The following SPNS2 variants were observed in gnomAD, a reference collection of about 807,000 sequenced individuals.
SPNS2 encodes the protein SPNS lysolipid transporter 2, sphingosine-1-phosphate, also known as sphingosine-1-phosphate transporter SPNS2.
SPNS2 carries 37 observed loss-of-function variants against 57.6 expected under a neutral mutation model. The ratio of observed to expected loss-of-function variants is 0.64; its 90% CI spans 0.49 to 0.85. The LOEUF is 0.85. SPNS2 is among the 40% of genes least tolerant of loss of function. The pLI, the probability that SPNS2 is intolerant of heterozygous loss-of-function variation, is 0.00. For synonymous variants in SPNS2, 440 were observed against 346.9 expected, an observed-to-expected ratio of 1.27 and a Z score of -2.98; for missense variants, 831 against 779.1, an observed-to-expected ratio of 1.07 and a Z score of -0.79.
intron 9 of SPNS2, among the ~76,000 whole-genome samples, chr17:4,535,414 T>C (rs954219175): frequency 9.9e-5 from 15 of 152,086 alleles, no homozygotes; most frequent in African/African-American, 3.4e-4. Context: ...TTTAGCTTGA[T>C]GGGAGGTGAG....
chr17:4,536,034 G>C, intron 9 of SPNS2, 42 bp from the exon 10 acceptor site: 1 of 1,576,976 alleles, frequency 6.3e-7, no homozygotes, highest in African/African-American at 1.3e-5. Context: ...AAGCGCGTGA[G>C]CCTTTCTCCT....
chr17:4,532,016 C>T lies in SPNS2; in HGVS notation c.793-526C>T, dbSNP rs149090371. Among the ~76,000 whole-genome samples the T allele has an allele frequency of 1.6e-3, 248 of 152,204 alleles. 1 individual carries two copies. The highest frequency in any genetic ancestry group is 5.6e-3 in the African/African-American group (231 of 41,460). Reference sequence around the variant, plus strand: ...TTCCCAGGGCCCTGCGGCTGAGGAACCTACGTGGGGAACCTGCTCCAGGAA... The same window carrying T: ...TTCCCAGGGCCCTGCGGCTGAGGAATCTACGTGGGGAACCTGCTCCAGGAA... On this transcript the variant is annotated intron_variant, in intron 5 of 12. Transcript: ENST00000329078.
Position 4,533,148 on chromosome 17 carries a change from G to C in SPNS2, c.1088+19G>C, listed in dbSNP as rs947945778. 6.3e-7 allele frequency: 1 copy of C among 1,594,210 alleles called. No homozygotes were observed. The highest frequency in any genetic ancestry group is 8.6e-7 in the Non-Finnish European group (1 of 1,168,470). ...AGGACAGGTGGGGCCCCGCGGGGTGGGCCCAGGGCTGGTGAGGGACCTCGG... is the reference window on the plus strand; with the variant it reads ...AGGACAGGTGGGGCCCCGCGGGGTGCGCCCAGGGCTGGTGAGGGACCTCGG... On this transcript the variant is annotated intron_variant, in intron 7 of 12. Transcript: ENST00000329078.
Position 4,505,516 on chromosome 17 carries a change from A to G in SPNS2, c.370+6099A>G, listed in dbSNP as rs140757593. The stretch of plus-strand genomic sequence containing the variant: ...GTCTACCCAGTCCTCAGCCCTGACA[A>G]TGAGGCCGCGCAACCCCCAAGCTGG... On this transcript the variant is annotated intron_variant, in intron 1 of 12. Coordinates refer to ENST00000329078, the MANE Select transcript of SPNS2 (RefSeq NM_001124758.3). Among the ~76,000 whole-genome samples the G allele has an allele frequency of 3.7e-3, 559 of 152,300 alleles. 4 individuals carry two copies. The highest frequency in any genetic ancestry group is 0.013 in the African/African-American group (536 of 41,566).
intron 1 of SPNS2, among the ~76,000 whole-genome samples, chr17:4,504,037 G>A (rs1904605729): frequency 6.6e-6 from 1 of 151,744 alleles, no homozygotes; most frequent in South Asian, 2.1e-4. Flanking sequence ...GAAAGATGGG[G>A]AAACTGAGGC....
chr17:4,535,733 C>T (rs1323551994), intron 9 of SPNS2, among the ~76,000 whole-genome samples: 1 of 151,988 alleles, frequency 6.6e-6, no homozygotes, highest in Admixed American at 6.6e-5. Flanking sequence ...GCTGGGGGCA[C>T]AGCAGGTTTG....
chr17:4,509,788 G>A (rs538133353), intron 1 of SPNS2, among the ~76,000 whole-genome samples: 4 of 152,384 alleles, frequency 2.6e-5, no homozygotes, highest in South Asian at 2.1e-4. Context: ...GCTAGGAGAC[G>A]ATTCCAGCTG....
rs574174067 is a variant in SPNS2 at position 4,538,157 on chromosome 17, G to A, written c.*709G>A. ...ATCACCAGGGGTGAAGGCCCTGGCT[G>A]CAGCTGTACACCACCTGTGCCCCCA... On this transcript the variant is annotated 3_prime_UTR_variant, in exon 13 of 13. Transcript: ENST00000329078. The A allele has an allele frequency of 3.5e-6, 1 of 283,422 alleles. No individual in the cohort carries two copies. The highest frequency in any genetic ancestry group is 7.0e-6 in the Non-Finnish European group (1 of 143,024). 17.6% of individuals were successfully genotyped at this position (283,422 alleles called of 1,614,324 possible). A position where few individuals can be genotyped will look rare whatever the true frequency, so the allele number is the denominator to read the frequency against.
In SPNS2 at chr17:4,538,389, T is replaced by C. The variant is rs1905992309; in HGVS notation, c.*941T>C. 1 of 185,776 alleles carries C rather than the reference T, an allele frequency of 5.4e-6. No homozygotes were observed. Among genetic ancestry groups the C allele is most frequent in the Admixed American group, 5.6e-5 (1 of 18,000 alleles). 11.5% of individuals were successfully genotyped at this position (185,776 alleles called of 1,614,324 possible). On this transcript the variant is annotated 3_prime_UTR_variant, in exon 13 of 13. Transcript: ENST00000329078. ...GGAAGCAGCTATCCACAAAGCTTCC[T>C]GCCCCAGAGCTGAGGCTGAGGCCCC... is the stretch of plus-strand genomic sequence containing the variant.
intron 6 of SPNS2, 21 bp downstream of exon 6, chr17:4,532,705 T>A (rs1156422964): frequency 6.2e-7 from 1 of 1,610,056 alleles, no homozygotes; most frequent in Admixed American, 1.7e-5. Context: ...CGGGAAGGGG[T>A]CTGGTGGGAA....
intron 1 of SPNS2, among the ~76,000 whole-genome samples, chr17:4,503,871 A>G (rs752157344): frequency 2.6e-5 from 4 of 152,232 alleles, no homozygotes; most frequent in South Asian, 2.1e-4. Flanking sequence ...AGCGATGAGC[A>G]TAGGGACCCA....
Position 4,533,506 on chromosome 17 carries a change from G to A in SPNS2, c.1278+74G>A, listed in dbSNP as rs1000348420. 2.1e-5 allele frequency: 30 copies of A among 1,438,912 alleles called. No individual in the cohort carries two copies. The East Asian group carries it at 3.5e-4, about 17-fold the overall frequency. 89.1% of individuals were successfully genotyped at this position (1,438,912 alleles called of 1,614,324 possible). On this transcript the variant is annotated intron_variant, in intron 8 of 12. Transcript: ENST00000329078. ...CGGGAGGGTCTGGAACAGGACATTCGGTCTGACTTACTGGATGTTCCCTTC... is the reference window on the plus strand; with the variant it reads ...CGGGAGGGTCTGGAACAGGACATTCAGTCTGACTTACTGGATGTTCCCTTC...
intron 11 of SPNS2, 101 bp from the exon 12 acceptor site, chr17:4,536,799 A>C (rs928217223): frequency 2.1e-6 from 2 of 968,202 alleles, no homozygotes; most frequent in Non-Finnish European, 1.6e-6. Context: ...CCTGCCCAGC[A>C]CCTCCGGTCA....
intron 2 of SPNS2, among the ~76,000 whole-genome samples, chr17:4,523,276 A>G (rs1905184263): frequency 6.6e-6 from 1 of 151,958 alleles, no homozygotes; most frequent in Non-Finnish European, 1.5e-5. Context: ...CGTCTCTACT[A>G]ACAATACAAA....
chr17:4,513,321 C>A lies in SPNS2; in HGVS notation c.436+9C>A, dbSNP rs760588905. The A allele has an allele frequency of 1.2e-6, 2 of 1,613,472 alleles. No homozygotes were observed. Among genetic ancestry groups the A allele is most frequent in the Non-Finnish European group, 1.7e-6 (2 of 1,179,562 alleles). On this transcript the variant is annotated intron_variant, in intron 2 of 12. Coordinates refer to ENST00000329078, the MANE Select transcript of SPNS2 (RefSeq NM_001124758.3). ...CGGCCTGCTGCAGTCAGGTGAGGCC[C>A]ACCTCCCACCTTCCCCCCCACGCCC...
intron 7 of SPNS2, 45 bp from the exon 8 acceptor site, chr17:4,533,198 C>T (rs767078306): frequency 1.3e-6 from 2 of 1,580,980 alleles, no homozygotes; most frequent in Admixed American, 1.7e-5. Flanking sequence ...CAGCCTTAGC[C>T]CTGAGCCGCC....
rs752028920 is a variant in SPNS2 at position 4,538,928 on chromosome 17, C to T, written c.*1480C>T. ...GTTGCCTCCTCTTCCTTCCGGAAGC[C>T]AAACTGCTCCTTTATTTTTTAGAGC... On this transcript the variant is annotated 3_prime_UTR_variant, in exon 13 of 13. Transcript: ENST00000329078. 1.3e-6 allele frequency: 1 copy of T among 782,956 alleles called. No individual in the cohort carries two copies. Among genetic ancestry groups the T allele is most frequent in the South Asian group, 1.3e-5 (1 of 74,656 alleles). 48.5% of individuals were successfully genotyped at this position (782,956 alleles called of 1,614,324 possible).
chr17:4,532,807 TGGGA>T, intron 6 of SPNS2, 123 bp downstream of exon 6: 1 of 1,455,360 alleles, frequency 6.9e-7, no homozygotes. Context: ...GTCTCAGTGC[TGGGA>T]GGGACATTTT....
rs1040315584 is a variant in SPNS2 at position 4,535,140 on chromosome 17, C to T, written c.1345-936C>T. The stretch of plus-strand genomic sequence containing the variant: ...GGGGAACAGGGGCTGCCTGGGCACC[C>T]ACAGAGCTGGCTGTGCCTGTCCCGC... On this transcript the variant is annotated intron_variant, in intron 9 of 12. Coordinates refer to ENST00000329078, the MANE Select transcript of SPNS2 (RefSeq NM_001124758.3). Among the ~76,000 whole-genome samples the T allele has an allele frequency of 6.6e-5, 10 of 152,294 alleles. No homozygotes were observed. In the East Asian group the frequency reaches 1.2e-3, roughly 18 times the overall value.
Sources: gnomAD v4.1 joint callset for allele counts (sites outside exome capture counted in the v4.1 genomes callset) on GRCh38, gnomAD v4.1.1 for gene constraint, MANE v1.5 for transcripts, NCBI Gene and HGNC (gene_info 2026-07-23, HGNC 2026-07-21) for gene names.